The following SH3BP2 variants were observed in gnomAD, a reference collection of about 807,000 sequenced individuals.
SH3BP2 encodes SH3 domain binding protein 2.
Under a neutral mutation model 56.2 loss-of-function variants are expected in SH3BP2, and 38 were observed. That is an observed-to-expected ratio of 0.68 (90% CI 0.52 to 0.89). The LOEUF is 0.89. SH3BP2 is among the 40% of genes least tolerant of loss of function. The pLI is 0.00. For missense variants in SH3BP2, 748 were observed against 762.6 expected, an observed-to-expected ratio of 0.98 and a Z score of 0.23; for synonymous variants, 346 against 316.7, an observed-to-expected ratio of 1.09 and a Z score of -0.98.
intron 1 of SH3BP2, among the ~76,000 whole-genome samples, chr4:2,806,593 T>TCTCCAGCCCCACCTCACC (rs1723543924): frequency 6.6e-6 from 1 of 151,110 alleles, no homozygotes; most frequent in African/African-American, 2.5e-5. Context: ...CTCACTTCAC[T>TCTCCAGCCCCACCTCACC]GTCTCCAGCC....
At chr4:2,823,958 C>A (rs147526143) in intron 3 of SH3BP2, among the ~76,000 whole-genome samples, 5 of 152,348 alleles carry the variant, frequency 3.3e-5, no homozygotes, top group Non-Finnish European at 7.3e-5. Context: ...ACAGACACAG[C>A]GCCTTCCGGC....
intron 1 of SH3BP2, among the ~76,000 whole-genome samples, chr4:2,813,629 A>C (rs1350860796): frequency 6.6e-6 from 1 of 152,204 alleles, no homozygotes; most frequent in East Asian, 1.9e-4. Context: ...ACGGAGACAC[A>C]GAAGACCGCA....
At chr4:2,830,604 C>G (rs1023462855) in intron 8 of SH3BP2, among the ~76,000 whole-genome samples, 2 of 152,228 alleles carry the variant, frequency 1.3e-5, no homozygotes, top group African/African-American at 4.8e-5. Flanking sequence ...CTCAAGTGAT[C>G]CGCCTGCCTC....
chr4:2,816,092 T>C (rs1040498564), intron 1 of SH3BP2, among the ~76,000 whole-genome samples: 1 of 152,308 alleles, frequency 6.6e-6, no homozygotes, highest in Admixed American at 6.5e-5. Flanking sequence ...CTCATTCTTG[T>C]TCCCCAGGCT....
intron 1 of SH3BP2, among the ~76,000 whole-genome samples, chr4:2,799,683 G>T (rs1471311929): frequency 6.6e-6 from 1 of 152,194 alleles, no homozygotes; most frequent in African/African-American, 2.4e-5. Context: ...TGGGACCCAG[G>T]CCCCCTCGAA....
intron 1 of SH3BP2, among the ~76,000 whole-genome samples, chr4:2,816,321 G>A (rs1230111348): frequency 3.3e-5 from 5 of 152,228 alleles, no homozygotes; most frequent in African/African-American, 7.2e-5. Context: ...GATTACAGGC[G>A]TGAGCCACTG....
rs199687521 is a variant in SH3BP2, at chr4:2,802,602, G to GTT, written c.-5+9465_-5+9466insTT. ...TATGTATATATATGTTTGTATATAT[G>GTT]TGTATATATGTGTATATATGTGTAT... On this transcript the variant is annotated intron_variant, in intron 1 of 12. Coordinates refer to ENST00000503393, the MANE Select transcript of SH3BP2 (RefSeq NM_001122681.2). 8.1e-3 allele frequency among the ~76,000 whole-genome samples: 1,085 copies of GTT among 133,532 alleles called. 12 individuals carry two copies. The highest frequency in any genetic ancestry group is 0.031 in the African/African-American group (1,036 of 33,086). 87.6% of individuals were successfully genotyped at this position (133,532 alleles called of 152,430 possible).
rs190875365 is a variant in SH3BP2, at chr4:2,818,219, C to T, written c.-4-2395C>T. On this transcript the variant is annotated intron_variant, in intron 1 of 12. Coordinates refer to ENST00000503393, the MANE Select transcript of SH3BP2 (RefSeq NM_001122681.2). ...CCGGCGGCTGCCAGGCCAGGGCCGG[C>T]GGGCATGGCGGGCTCCGGGCCGCGG... 2.9e-3 allele frequency: 2,862 copies of T among 987,006 alleles called. 60 individuals are homozygous for T. The African/African-American group carries it at 0.047, about 16-fold the overall frequency. 61.1% of individuals were successfully genotyped at this position (987,006 alleles called of 1,614,324 possible). A position where few individuals can be genotyped will look rare whatever the true frequency, so the allele number is the denominator to read the frequency against.
chr4:2,833,376 C>A (rs547767782), intron 12 of SH3BP2: 3 of 570,856 alleles, frequency 5.3e-6, no homozygotes, highest in Admixed American at 6.1e-5. Flanking sequence ...GGGGCTCAAG[C>A]AATCCTCCCA....
chr4:2,796,509 C>G, intron 1 of SH3BP2: 1 of 960,218 alleles, frequency 1.0e-6, no homozygotes, highest in Non-Finnish European at 1.2e-6. Context: ...CCGGTCACAT[C>G]TGGTCCATCT....
At chr4:2,796,590 C>T (rs367922514) in intron 1 of SH3BP2, 18 of 403,610 alleles carry the variant, frequency 4.5e-5, no homozygotes, top group African/African-American at 3.3e-4. Flanking sequence ...ATCAGAGGAG[C>T]CCTGAGGGGT....
intron 8 of SH3BP2, 86 bp downstream of exon 8, chr4:2,830,233 C>T: frequency 7.6e-7 from 1 of 1,315,358 alleles, no homozygotes. Context: ...CCACCTCGCT[C>T]CCCTGGCACT....
intron 1 of SH3BP2, among the ~76,000 whole-genome samples, chr4:2,800,130 G>C (rs1723209324): frequency 6.6e-6 from 1 of 152,082 alleles, no homozygotes; most frequent in South Asian, 2.1e-4. Context: ...ACGTGACCAG[G>C]ATGGGGTCGG....
chr4:2,837,632 C>T lies in SH3BP2; in HGVS notation c.*3798C>T, dbSNP rs1288879084. ...GATGGCCTAGGACACCAGGGTCACA[C>T]CAGGAACATGGGAGGGCCGTGCTTG... On this transcript the variant is annotated 3_prime_UTR_variant, in exon 13 of 13. Transcript: ENST00000503393. 6.6e-6 allele frequency: 1 copy of T among 152,318 alleles called. No individual in the cohort carries two copies. Among genetic ancestry groups the T allele is most frequent in the African/African-American group, 2.4e-5 (1 of 41,440 alleles). 9.4% of individuals were successfully genotyped at this position (152,318 alleles called of 1,614,324 possible).
intron 6 of SH3BP2, 60 bp downstream of exon 6, chr4:2,827,378 C>T (rs2108735543): frequency 6.7e-7 from 1 of 1,486,798 alleles, no homozygotes; most frequent in Non-Finnish European, 9.4e-7. Context: ...CTCCTCTTGG[C>T]CGCTGTGGAG....
Position 2,825,188 on chromosome 4 carries a change from G to T in SH3BP2, c.420G>T (p.Leu140Phe). The T allele has an allele frequency of 6.3e-7, 1 of 1,580,030 alleles. No homozygotes were observed. The highest frequency in any genetic ancestry group is 1.2e-5 in the South Asian group (1 of 86,518). The change falls in exon 5 of 13, where the codon TTG becomes TTT. Residue 140 changes from leucine (L) to phenylalanine (F), a missense_variant. By Grantham distance (22) the Leu-to-Phe change is conservative. Coordinates refer to ENST00000503393, the MANE Select transcript of SH3BP2 (RefSeq NM_001122681.2). ...TCCACGAAAAGAAAGACCTGCCCTT[G>T]GACACCAGGTGAGCCCGGGCCCAGG... ...GHFHEKKDLP[L>F]DTSDSSSDTD... is the part of the protein sequence containing the mutation.
chr4:2,805,731 C>T (rs962284985), intron 1 of SH3BP2, among the ~76,000 whole-genome samples: 1 of 152,172 alleles, frequency 6.6e-6, no homozygotes, highest in Non-Finnish European at 1.5e-5. Flanking sequence ...GTGGACTGAG[C>T]CTGTGTGGGA....
chr4:2,797,058 C>A (rs1456829829), intron 1 of SH3BP2, among the ~76,000 whole-genome samples: 1 of 152,196 alleles, frequency 6.6e-6, no homozygotes, highest in Non-Finnish European at 1.5e-5. Context: ...TGTGAATGGG[C>A]AGCTCCGTTT....
At chr4:2,827,985 A>AG (rs1344756965) in intron 7 of SH3BP2, among the ~76,000 whole-genome samples, 2 of 152,156 alleles carry the variant, frequency 1.3e-5, no homozygotes, top group African/African-American at 4.8e-5. Flanking sequence ...GCGCAGGCTC[A>AG]GGGCAGGTCC....
Sources: gnomAD v4.1 joint callset for allele counts (sites outside exome capture counted in the v4.1 genomes callset) on GRCh38, gnomAD v4.1.1 for gene constraint, MANE v1.5 for transcripts, NCBI Gene and HGNC (gene_info 2026-07-23, HGNC 2026-07-21) for gene names.